NAA11: variants seen among roughly 807,000 people sequenced by gnomAD.
The protein encoded by NAA11 is N-alpha-acetyltransferase 11, NatA catalytic subunit.
NAA11 carries 15 observed loss-of-function variants against 16.1 expected under a neutral mutation model. That is an observed-to-expected ratio of 0.93 (90% CI 0.62 to 1.44). The LOEUF is 1.44. Among genes scored for constraint, NAA11 ranks in the 40% most tolerant of loss-of-function variants. NAA11 has a pLI of 0.00. For synonymous variants in NAA11, 122 were observed against 112.4 expected, an observed-to-expected ratio of 1.09 and a Z score of -0.54; for missense variants, 298 against 291.3, an observed-to-expected ratio of 1.02 and a Z score of -0.17.
intron 1 of NAA11, among the ~76,000 whole-genome samples, chr4:79,320,617 T>G (rs1724062629): frequency 6.6e-6 from 1 of 152,184 alleles, no homozygotes; most frequent in Non-Finnish European, 1.5e-5. Context: ...TCATTAACAG[T>G]GCTTAGAATT....
intron 2 of NAA11, among the ~76,000 whole-genome samples, chr4:79,254,746 G>C (rs1245034162): frequency 6.7e-6 from 1 of 150,272 alleles, no homozygotes; most frequent in East Asian, 1.9e-4. Flanking sequence ...TGCACAACAT[G>C]AAGGTTTGTT....
At chr4:79,293,040 GA>G (rs372553122) in intron 2 of NAA11, among the ~76,000 whole-genome samples, 38 of 151,640 alleles carry the variant, frequency 2.5e-4, no homozygotes, top group Admixed American at 5.9e-4. Flanking sequence ...ATGAAATAAA[GA>G]AAAAAAGTAT....
At chr4:79,189,427 A>G in the NAA11 span, among the ~76,000 whole-genome samples, 5 of 152,160 alleles carry the variant, frequency 3.3e-5, no homozygotes, top group East Asian at 1.9e-4. Context: ...TTAAAAAGCT[A>G]TTCTTTCCAA....
the NAA11 span, among the ~76,000 whole-genome samples, chr4:79,201,715 A>T: frequency 2.0e-5 from 3 of 151,710 alleles, no homozygotes; most frequent in Admixed American, 1.3e-4. Context: ...ATTCCATGTG[A>T]GCCTTGCAGT....
At chr4:79,288,177 G>A (rs1169282941) in intron 2 of NAA11, among the ~76,000 whole-genome samples, 1 of 152,124 alleles carries the variant, frequency 6.6e-6, no homozygotes, top group African/African-American at 2.4e-5. Flanking sequence ...ATTGTTTGCT[G>A]TTTTCCTTCT....
the NAA11 span, among the ~76,000 whole-genome samples, chr4:79,178,900 T>C: frequency 6.6e-6 from 1 of 152,098 alleles, no homozygotes; most frequent in African/African-American, 2.4e-5. Context: ...AAGAAGAGCA[T>C]GTGTGAAAGC....
chr4:79,250,780 GA>G (rs143970943), intron 2 of NAA11, among the ~76,000 whole-genome samples: 2 of 151,860 alleles, frequency 1.3e-5, no homozygotes, highest in East Asian at 1.9e-4. Flanking sequence ...AAAATTACAG[GA>G]AAAAAACACC....
At chr4:79,172,638 G>C in the NAA11 span, among the ~76,000 whole-genome samples, 1 of 152,066 alleles carries the variant, frequency 6.6e-6, no homozygotes, top group Non-Finnish European at 1.5e-5. Context: ...CTATGTGGTT[G>C]GGAGGGTGGC....
chr4:79,196,716 G>A, the NAA11 span, among the ~76,000 whole-genome samples: 1 of 151,944 alleles, frequency 6.6e-6, no homozygotes, highest in Non-Finnish European at 1.5e-5. Flanking sequence ...ATGGCAAAGA[G>A]AGATTAAGGT....
At chr4:79,248,050 C>A (rs1046283499) in intron 2 of NAA11, among the ~76,000 whole-genome samples, 11 of 152,140 alleles carry the variant, frequency 7.2e-5, no homozygotes, top group Admixed American at 6.5e-5. Flanking sequence ...CAGAGCAGGG[C>A]AATCTTGCCT....
chr4:79,238,404 A>G (rs888941044), intron 2 of NAA11, among the ~76,000 whole-genome samples: 1 of 152,232 alleles, frequency 6.6e-6, no homozygotes. Flanking sequence ...AAAACTTGGA[A>G]CAAACTGTAG....
At chr4:79,228,282 C>T (rs545399100) in intron 2 of NAA11, among the ~76,000 whole-genome samples, 25 of 152,110 alleles carry the variant, frequency 1.6e-4, no homozygotes, top group Non-Finnish European at 2.4e-4. Flanking sequence ...ACTGTTATTA[C>T]AGCTACCATA....
intron 2 of NAA11, among the ~76,000 whole-genome samples, chr4:79,279,460 A>G (rs1722737933): frequency 6.6e-6 from 1 of 152,138 alleles, no homozygotes; most frequent in African/African-American, 2.4e-5. Flanking sequence ...CAGGCAACAT[A>G]GCATAAAGAT....
chr4:79,157,460 C>T, the NAA11 span, among the ~76,000 whole-genome samples: 111 of 151,812 alleles, frequency 7.3e-4, no homozygotes, highest in Non-Finnish European at 1.4e-3. Flanking sequence ...GAGTGGCATT[C>T]CATCATATAC....
chr4:79,249,210 T>C (rs1721932382), intron 2 of NAA11, among the ~76,000 whole-genome samples: 2 of 152,228 alleles, frequency 1.3e-5, no homozygotes, highest in Admixed American at 6.5e-5. Context: ...AGCCAGAGTG[T>C]CTTCTTACCT....
the NAA11 span, among the ~76,000 whole-genome samples, chr4:79,156,094 T>G: frequency 1.4e-4 from 22 of 152,190 alleles, no homozygotes; most frequent in African/African-American, 5.3e-4. Flanking sequence ...AATACCCATA[T>G]AGTTTAAAAA....
At chr4:79,302,910 A>G (rs1390723658) in intron 1 of NAA11, among the ~76,000 whole-genome samples, 2 of 151,844 alleles carry the variant, frequency 1.3e-5, no homozygotes, top group Non-Finnish European at 2.9e-5. Context: ...GGATCGTTAG[A>G]TAAGACAGAA....
intron 2 of NAA11, among the ~76,000 whole-genome samples, chr4:79,277,039 T>A (rs143207909): frequency 0.047 from 7,084 of 152,186 alleles, 561 homozygotes; most frequent in African/African-American, 0.15. Context: ...AGACATGATA[T>A]TAGCAGAAAG....
chr4:79,316,468 G>C (rs1251597728), downstream of NAA11, among the ~76,000 whole-genome samples: 1 of 152,032 alleles, frequency 6.6e-6, no homozygotes, highest in Non-Finnish European at 1.5e-5. Context: ...TGTAAGAACT[G>C]CTTAGCAGGG....
Sources: allele counts gnomAD v4.1 joint callset (sites outside exome capture counted in the v4.1 genomes callset), GRCh38; gene constraint gnomAD v4.1.1; transcripts MANE v1.5; gene names NCBI Gene and HGNC (gene_info 2026-07-23, HGNC 2026-07-21).